The following DGKI variants were observed in gnomAD, a reference collection of about 807,000 sequenced individuals.
DGKI encodes the protein DAG kinase iota.
DGKI carries 55 observed loss-of-function variants against 147.5 expected under a neutral mutation model. The ratio of observed to expected loss-of-function variants is 0.37; its 90% CI spans 0.30 to 0.47. DGKI has a LOEUF of 0.47. DGKI is among the 20% of genes least tolerant of loss of function. The pLI, the probability that DGKI is intolerant of heterozygous loss-of-function variation, is 1.00. For missense variants in DGKI, 1,007 were observed against 1,323.8 expected, an observed-to-expected ratio of 0.76 and a Z score of 3.71; for synonymous variants, 469 against 477.1, an observed-to-expected ratio of 0.98 and a Z score of 0.22.
chr7:137,512,469 A>C (rs908759400), intron 21 of DGKI, among the ~76,000 whole-genome samples: 6 of 152,240 alleles, frequency 3.9e-5, no homozygotes, highest in African/African-American at 1.4e-4. Context: ...TTCAAAGGGA[A>C]GTCTAACTAC....
intron 4 of DGKI, 147 bp downstream of exon 4, chr7:137,656,319 C>T: frequency 1.3e-6 from 1 of 782,150 alleles, no homozygotes; most frequent in Non-Finnish European, 2.1e-6. Flanking sequence ...CATTGTCTTT[C>T]CATTAGTAAT....
chr7:137,623,913 T>C (rs1820841780), intron 6 of DGKI, among the ~76,000 whole-genome samples: 1 of 152,058 alleles, frequency 6.6e-6, no homozygotes, highest in East Asian at 1.9e-4. Flanking sequence ...TGGTCTTGTC[T>C]AACAATAATC....
intron 6 of DGKI, among the ~76,000 whole-genome samples, chr7:137,629,238 A>G (rs1467832005): frequency 1.3e-5 from 2 of 152,140 alleles, no homozygotes; most frequent in East Asian, 1.9e-4. Context: ...AAAAAAAAGT[A>G]CTTTTATGTA....
rs1357461534 is a variant in DGKI, at chr7:137,382,077, G to C, written c.*9143C>G. On this transcript the variant is annotated 3_prime_UTR_variant, in exon 33 of 33. Transcript: ENST00000614521. ...GAAGGTACAACAAATATCAAGGCTAGATGGTATCTTAAAAGTGATAAATCT... is the reference window on the plus strand; with the variant it reads ...GAAGGTACAACAAATATCAAGGCTACATGGTATCTTAAAAGTGATAAATCT... 6.6e-6 allele frequency: 1 copy of C among 152,058 alleles called. No homozygotes were observed. Among genetic ancestry groups the C allele is most frequent in the African/African-American group, 2.4e-5 (1 of 41,418 alleles). The allele number at this position is 152,058 out of a possible 1,614,324, so 9.4% of individuals were successfully genotyped here.
chr7:137,836,831 T>A (rs1442792491), intron 1 of DGKI, among the ~76,000 whole-genome samples: 1 of 152,190 alleles, frequency 6.6e-6, no homozygotes, highest in African/African-American at 2.4e-5. Context: ...AAAAAGAATG[T>A]TCATCCACTC....
chr7:137,565,914 C>A (rs1320698531), intron 19 of DGKI, among the ~76,000 whole-genome samples: 1 of 152,120 alleles, frequency 6.6e-6, no homozygotes, highest in Non-Finnish European at 1.5e-5. Context: ...TTGAAATTTG[C>A]AATTACAAGA....
rs1230888791 is a variant in DGKI, at chr7:137,382,752, G to A, written c.*8468C>T. On this transcript the variant is annotated 3_prime_UTR_variant, in exon 33 of 33. Transcript: ENST00000614521. ...CCCTCTTTTATGCCCCCAAACCAGA[G>A]GCAAGAAGTAGAACAAGAAAGAAGG... The A allele has an allele frequency of 2.6e-5, 4 of 151,864 alleles. No individual in the cohort carries two copies. Among genetic ancestry groups the A allele is most frequent in the Admixed American group, 2.0e-4 (3 of 15,228 alleles). The allele number at this position is 151,864 out of a possible 1,614,324, so 9.4% of individuals were successfully genotyped here. A position where few individuals can be genotyped will look rare whatever the true frequency, so the allele number is the denominator to read the frequency against.
At chr7:137,687,495 T>C (rs1213937852) in intron 2 of DGKI, among the ~76,000 whole-genome samples, 2 of 152,064 alleles carry the variant, frequency 1.3e-5, no homozygotes, top group Non-Finnish European at 2.9e-5. Flanking sequence ...AACAAAGAAA[T>C]CCCTGGCTGG....
chr7:137,416,645 A>C (rs1197048373), intron 28 of DGKI, among the ~76,000 whole-genome samples: 1 of 152,178 alleles, frequency 6.6e-6, no homozygotes, highest in Non-Finnish European at 1.5e-5. Context: ...AATGTCCTTA[A>C]GCATGTCAGT....
intron 1 of DGKI, among the ~76,000 whole-genome samples, chr7:137,778,474 G>C (rs947036584): frequency 6.6e-6 from 1 of 152,136 alleles, no homozygotes; most frequent in African/African-American, 2.4e-5. Flanking sequence ...AGGGGACAAT[G>C]GGCAGGTGTG....
At chr7:137,489,401 T>A (rs1481481351) in intron 21 of DGKI, among the ~76,000 whole-genome samples, 2 of 152,112 alleles carry the variant, frequency 1.3e-5, no homozygotes, top group Non-Finnish European at 1.5e-5. Context: ...GGGGGAGTAA[T>A]AATCATTCTA....
At chr7:137,794,475 A>G (rs1796964243) in intron 1 of DGKI, among the ~76,000 whole-genome samples, 1 of 152,270 alleles carries the variant, frequency 6.6e-6, no homozygotes, top group Non-Finnish European at 1.5e-5. Flanking sequence ...GGACAACCAC[A>G]TGAAGATGTA....
At chr7:137,784,572 C>T (rs1341756983) in intron 1 of DGKI, among the ~76,000 whole-genome samples, 1 of 151,810 alleles carries the variant, frequency 6.6e-6, no homozygotes, top group African/African-American at 2.4e-5. Flanking sequence ...TCATCAAGAT[C>T]GAAAATGAAC....
intron 27 of DGKI, among the ~76,000 whole-genome samples, chr7:137,460,406 A>AACCC (rs1814391443): frequency 6.6e-6 from 1 of 152,242 alleles, no homozygotes; most frequent in South Asian, 2.1e-4. Flanking sequence ...AATTATTAAA[A>AACCC]ACCCACATAT....
At chr7:137,540,371 G>A (rs1563075375) in intron 20 of DGKI, among the ~76,000 whole-genome samples, 1 of 152,124 alleles carries the variant, frequency 6.6e-6, no homozygotes, top group Non-Finnish European at 1.5e-5. Flanking sequence ...GAAAGAAAAG[G>A]CATAAGGATG....
intron 19 of DGKI, among the ~76,000 whole-genome samples, chr7:137,560,873 C>T (rs889335111): frequency 1.3e-5 from 2 of 152,130 alleles, no homozygotes; most frequent in African/African-American, 4.8e-5. Flanking sequence ...TTCTGATCTC[C>T]ATGAATTTAA....
chr7:137,697,772 G>A (rs1316437884), intron 1 of DGKI, among the ~76,000 whole-genome samples: 1 of 152,044 alleles, frequency 6.6e-6, no homozygotes, highest in Non-Finnish European at 1.5e-5. Context: ...GCTTTTATTG[G>A]AGGAGACTAA....
chr7:137,701,162 A>G (rs1411200511), intron 1 of DGKI, among the ~76,000 whole-genome samples: 2 of 152,100 alleles, frequency 1.3e-5, no homozygotes, highest in Non-Finnish European at 2.9e-5. Context: ...ACTTGCAGAA[A>G]AAAAAAATTG....
At chr7:137,806,953 G>A (rs111474959) in intron 1 of DGKI, among the ~76,000 whole-genome samples, 4,769 of 152,192 alleles carry the variant, frequency 0.031, 281 homozygotes, top group African/African-American at 0.11. Context: ...AAGAAACAGG[G>A]CCATCCAGGT....
Sources: gnomAD v4.1 joint callset for allele counts (sites outside exome capture counted in the v4.1 genomes callset) on GRCh38, gnomAD v4.1.1 for gene constraint, MANE v1.5 for transcripts, NCBI Gene and HGNC (gene_info 2026-07-23, HGNC 2026-07-21) for gene names.